AQP1: variants seen among roughly 807,000 people sequenced by gnomAD.
AQP1 encodes the protein aquaporin-1.
Under a neutral mutation model 19.7 loss-of-function variants are expected in AQP1, and 11 were observed. The ratio of observed to expected loss-of-function variants is 0.56; its 90% CI spans 0.35 to 0.92. The LOEUF is 0.92. AQP1 is among the 40% of genes least tolerant of loss of function. AQP1 has a pLI of 0.01. For missense variants in AQP1, 320 were observed against 369.7 expected (o/e 0.87, Z 1.10); for synonymous variants, 159 against 166.7 (o/e 0.95, Z 0.36).
At position 30,923,806 on chromosome 7, in the gene AQP1, C is replaced by A; in HGVS notation, c.*177C>A. On this transcript the variant is annotated 3_prime_UTR_variant, in exon 4 of 4. Transcript: ENST00000311813. This position sits in a 1 kb window ranked among gnomAD's most constrained non-coding sequence, Gnocchi z 4.8. The stretch of plus-strand genomic sequence containing the variant: ...GGGGTGTTTCTATCTCTTTCTTTCT[C>A]TTTCTGTTTCCTGGCCTCAGAGCTT... 6.6e-7 allele frequency: 1 copy of A among 1,519,594 alleles called. No individual in the cohort carries two copies. The highest frequency in any genetic ancestry group is 1.4e-5 in the African/African-American group (1 of 72,556). 94.1% of individuals were successfully genotyped at this position (1,519,594 alleles called of 1,614,324 possible). A position where few individuals can be genotyped will look rare whatever the true frequency, so the allele number is the denominator to read the frequency against.
chr7:30,913,811 G>A (rs953295468), intron 1 of AQP1, among the ~76,000 whole-genome samples: 1 of 151,228 alleles, frequency 6.6e-6, no homozygotes, highest in African/African-American at 2.4e-5. Context: ...GGGGATGTAC[G>A]GGACAGAGCT....
At chr7:30,914,048 G>A (rs919827770) in intron 1 of AQP1, among the ~76,000 whole-genome samples, 3 of 152,174 alleles carry the variant, frequency 2.0e-5, no homozygotes, top group African/African-American at 4.8e-5. Context: ...ACCTGCTGGC[G>A]AAGGCTTCAC....
At position 30,922,658 on chromosome 7, in the gene AQP1, G is replaced by T. The variant is rs375659153; in HGVS notation, c.630+14G>T. On this transcript the variant is annotated intron_variant, in intron 3 of 3. Coordinates refer to ENST00000311813, the MANE Select transcript of AQP1 (RefSeq NM_198098.4). ...AGCAACCACTGGGTAGGAGACCCAC[G>T]GGGGGTGGGGTGGGAAGCTTTGGTG... 1.2e-6 allele frequency: 2 copies of T among 1,610,134 alleles called. No homozygotes were observed. Among genetic ancestry groups the T allele is most frequent in the African/African-American group, 2.7e-5 (2 of 74,066 alleles).
chr7:30,921,287 T>C, intron 1 of AQP1: 3 of 1,272,674 alleles, frequency 2.4e-6, no homozygotes, highest in Non-Finnish European at 2.0e-6. Flanking sequence ...TCTCTTTCCA[T>C]GAGTCATGTT....
chr7:30,925,397 TG>T lies in AQP1; in HGVS notation c.*1769del, dbSNP rs1170369646. 1 of 152,274 alleles carries T rather than the reference TG, an allele frequency of 6.6e-6. No homozygotes were observed. Among genetic ancestry groups the T allele is most frequent in the Non-Finnish European group, 1.5e-5 (1 of 68,076 alleles). The allele number at this position is 152,274 out of a possible 1,614,324, so 9.4% of individuals were successfully genotyped here. On this transcript the variant is annotated 3_prime_UTR_variant, in exon 4 of 4. Coordinates refer to ENST00000311813, the MANE Select transcript of AQP1 (RefSeq NM_198098.4). Reference sequence around the variant, plus strand: ...GGGGAGAGGGGTCACACCCACCCCCTGCCTGGTTCTAGGCTGCTGCACACCA... The same window carrying T: ...GGGGAGAGGGGTCACACCCACCCCCTCCTGGTTCTAGGCTGCTGCACACCA...
chr7:30,914,247 C>T (rs1791254084), intron 1 of AQP1, among the ~76,000 whole-genome samples: 2 of 152,176 alleles, frequency 1.3e-5, no homozygotes, highest in Non-Finnish European at 2.9e-5. Flanking sequence ...TGGGGTCCGG[C>T]CCTGGGCTGA....
chr7:30,923,322 C>T lies in AQP1; in HGVS notation c.631-128C>T, dbSNP rs1791577430. ...GGAATCATGATGTTAGGATTTGGCT[C>T]TCCTACCTGCCTCCATCCCAGGTGG... On this transcript the variant is annotated intron_variant, in intron 3 of 3. Transcript: ENST00000311813. This position sits in a 1 kb window ranked among gnomAD's most constrained non-coding sequence, Gnocchi z 4.8. 4 of 1,527,830 alleles carry T rather than the reference C, an allele frequency of 2.6e-6. No homozygotes were observed. Among genetic ancestry groups the T allele is most frequent in the East Asian group, 4.8e-5 (2 of 42,080 alleles). The allele number at this position is 1,527,830 out of a possible 1,614,324, so 94.6% of individuals were successfully genotyped here.
intron 3 of AQP1, 49 bp downstream of exon 3, chr7:30,922,693 A>T: frequency 2.6e-6 from 4 of 1,532,068 alleles, no homozygotes; most frequent in Non-Finnish European, 3.6e-6. Flanking sequence ...GTCCCATGGT[A>T]AGCCTGACCC....
chr7:30,922,345 G>C, intron 2 of AQP1, 115 bp downstream of exon 2: 1 of 1,454,538 alleles, frequency 6.9e-7, no homozygotes, highest in Non-Finnish European at 9.3e-7. Flanking sequence ...ATTGGGTGGA[G>C]GATGGCGGGT....
rs1443252468 is a variant in AQP1, at chr7:30,924,464, C to T, written c.*835C>T. On this transcript the variant is annotated 3_prime_UTR_variant, in exon 4 of 4. Coordinates refer to ENST00000311813, the MANE Select transcript of AQP1 (RefSeq NM_198098.4). The stretch of plus-strand genomic sequence containing the variant: ...CTTTCTGTTCCCTATGGAGAGGCTT[C>T]CCTACACAGGGCCTGCTATTGCAGA... The T allele has an allele frequency of 6.5e-6, 1 of 152,914 alleles. No homozygotes were observed. Among genetic ancestry groups the T allele is most frequent in the African/African-American group, 2.4e-5 (1 of 41,468 alleles). The allele number at this position is 152,914 out of a possible 1,614,324, so 9.5% of individuals were successfully genotyped here.
chr7:30,920,233 TCTG>T (rs1254162757), intron 1 of AQP1, among the ~76,000 whole-genome samples: 1 of 152,126 alleles, frequency 6.6e-6, no homozygotes, highest in Middle Eastern at 3.2e-3. Flanking sequence ...TTTCAGGACT[TCTG>T]CCAGCTAGCA....
chr7:30,921,242 G>A, intron 1 of AQP1: 1 of 1,140,552 alleles, frequency 8.8e-7, no homozygotes, highest in Non-Finnish European at 1.1e-6. Context: ...TGCATGGGGA[G>A]GGCCTTCATG....
rs76442705 is a variant in AQP1 at position 30,917,298 on chromosome 7, A to T, written c.385-4768A>T. 4.5e-3 allele frequency among the ~76,000 whole-genome samples: 689 copies of T among 152,322 alleles called. 2 individuals are homozygous for T. The highest frequency in any genetic ancestry group is 0.016 in the African/African-American group (665 of 41,558). ...TTCTCAAGACTGGGTGGTCCCACTC[A>T]GACTCTGGGACCCAAGGAGGGTTGG... On this transcript the variant is annotated intron_variant, in intron 1 of 3. Coordinates refer to ENST00000311813, the MANE Select transcript of AQP1 (RefSeq NM_198098.4).
rs1791594817 is a variant in AQP1, at chr7:30,923,704, T to C, written c.*75T>C. 1.3e-6 allele frequency: 2 copies of C among 1,516,650 alleles called. No individual in the cohort carries two copies. The highest frequency in any genetic ancestry group is 4.9e-5 in the East Asian group (2 of 40,568). 93.9% of individuals were successfully genotyped at this position (1,516,650 alleles called of 1,614,324 possible). ...GGAGGGAGGGGAGGGGTGAAATCCA[T>C]ACTGTAGACACTCTGACAAGCTGGC... On this transcript the variant is annotated 3_prime_UTR_variant, in exon 4 of 4. Transcript: ENST00000311813. The surrounding 1 kb of genome is among the most constrained non-coding windows in gnomAD (Gnocchi z 4.8).
rs1013853420 is a variant in AQP1, at chr7:30,922,650, A to G, written c.630+6A>G. ...ACAACTTCAGCAACCACTGGGTAGG[A>G]GACCCACGGGGGGTGGGGTGGGAAG... On this transcript the variant is annotated splice_donor_region_variant and intron_variant, in intron 3 of 3. Coordinates refer to ENST00000311813, the MANE Select transcript of AQP1 (RefSeq NM_198098.4). 1.9e-6 allele frequency: 3 copies of G among 1,613,484 alleles called. No individual in the cohort carries two copies. The highest frequency in any genetic ancestry group is 3.3e-5 in the Admixed American group (2 of 60,022).
intron 1 of AQP1, among the ~76,000 whole-genome samples, chr7:30,913,933 C>T (rs1364903456): frequency 6.6e-6 from 1 of 152,102 alleles, no homozygotes; most frequent in East Asian, 1.9e-4. Flanking sequence ...TGAAGCTTGG[C>T]TGGGTATGAT....
intron 3 of AQP1, 113 bp downstream of exon 3, chr7:30,922,757 C>T (rs1304280697): frequency 1.8e-6 from 2 of 1,087,722 alleles, no homozygotes; most frequent in South Asian, 1.3e-5. Context: ...AGCCAGAGGA[C>T]AGGAAATCAG....
rs1179164832 is a variant in AQP1, at chr7:30,917,390, A to G, written c.385-4676A>G. 2.0e-5 allele frequency among the ~76,000 whole-genome samples: 3 copies of G among 152,118 alleles called. No homozygotes were observed. In the East Asian group the frequency reaches 5.8e-4, roughly 29 times the overall value. Reference sequence around the variant, plus strand: ...GAGTTAGGAAAAGAAGGAGGGAGGGAGGGAGGAAGCCATTGCTTTGTGTAT... The same window carrying G: ...GAGTTAGGAAAAGAAGGAGGGAGGGGGGGAGGAAGCCATTGCTTTGTGTAT... On this transcript the variant is annotated intron_variant, in intron 1 of 3. Transcript: ENST00000311813.
rs1417765774 is a variant in AQP1 at position 30,923,244 on chromosome 7, C to A, written c.631-206C>A. Reference sequence around the variant, plus strand: ...ATGCCTGAGCTGGGCCCCACAGAGGCAAGGAGTTGACCCTACCACGTACTC... The same window carrying A: ...ATGCCTGAGCTGGGCCCCACAGAGGAAAGGAGTTGACCCTACCACGTACTC... On this transcript the variant is annotated intron_variant, in intron 3 of 3. Coordinates refer to ENST00000311813, the MANE Select transcript of AQP1 (RefSeq NM_198098.4). This position sits in a 1 kb window ranked among gnomAD's most constrained non-coding sequence, Gnocchi z 4.8. Among the ~76,000 whole-genome samples, 2 of 152,238 alleles carry A rather than the reference C, an allele frequency of 1.3e-5. No homozygotes were observed. Among genetic ancestry groups the A allele is most frequent in the African/African-American group, 2.4e-5 (1 of 41,452 alleles).
Sources: allele counts gnomAD v4.1 joint callset (sites outside exome capture counted in the v4.1 genomes callset), GRCh38; gene constraint gnomAD v4.1.1; non-coding constraint Gnocchi (gnomAD v3.1); transcripts MANE v1.5; gene names NCBI Gene and HGNC (gene_info 2026-07-23, HGNC 2026-07-21).